CCT3: variants seen among roughly 807,000 people sequenced by gnomAD.
CCT3 encodes chaperonin containing TCP1 subunit 3.
In CCT3, 10 loss-of-function variants were observed where a neutral mutation model predicts 65.3. That is an observed-to-expected ratio of 0.15 (90% confidence interval 0.09 to 0.26). CCT3 has a LOEUF of 0.26. CCT3 is among the 10% of genes least tolerant of loss of function. CCT3 has a pLI of 1.00. For missense variants in CCT3, 626 were observed against 708.7 expected (o/e 0.88, Z 1.33); for synonymous variants, 225 against 242.3 (o/e 0.93, Z 0.66).
chr1:156,325,218 A>G, intron 5 of CCT3, 129 bp from the exon 6 acceptor site: 1 of 687,334 alleles, frequency 1.5e-6, no homozygotes, highest in South Asian at 1.7e-5. Flanking sequence ...TTGGCCATTC[A>G]TACTATTCCA....
chr1:156,337,792 G>A (rs1005313422), intron 1 of CCT3: 33 of 280,660 alleles, frequency 1.2e-4, no homozygotes, highest in Non-Finnish European at 1.7e-4. Flanking sequence ...AGACCTAACT[G>A]AAAAAAAAAC....
chr1:156,312,066 C>G lies in CCT3; in HGVS notation c.1130G>C (p.Arg377Pro), dbSNP rs201959823. The G allele has an allele frequency of 6.2e-7, 1 of 1,611,420 alleles. No homozygotes were observed. The highest frequency in any genetic ancestry group is 8.5e-7 in the Non-Finnish European group (1 of 1,178,780). Residue 377 changes from arginine to proline, a missense_variant, in exon 11 of 14, where the codon CGG (arginine) becomes CCG (proline). Arg to Pro is a moderately radical substitution (Grantham distance 103). Transcript: ENST00000295688. ...CGAGAGAATCTCTTTGCTAGCCCCC[C>G]GGAGGAGAATGGTGCAGGCCTTGGG... ...KDPKACTILL[R>P]GASKEILSEV...
chr1:156,335,047 T>A, intron 2 of CCT3, 129 bp from the exon 3 acceptor site: 1 of 713,294 alleles, frequency 1.4e-6, no homozygotes, highest in Middle Eastern at 4.0e-4. Context: ...AATTTTATTT[T>A]ATTTTTAGAT....
At chr1:156,329,825 G>C (rs981386431) in intron 5 of CCT3, among the ~76,000 whole-genome samples, 5 of 151,830 alleles carry the variant, frequency 3.3e-5, no homozygotes, top group African/African-American at 1.2e-4. Flanking sequence ...TGTAACCCCA[G>C]CTACTTGGGA....
Position 156,309,061 on chromosome 1 carries a change from TG to T in CCT3, c.*137del. The T allele has an allele frequency of 1.5e-6, 1 of 646,746 alleles. No homozygotes were observed. Among genetic ancestry groups the T allele is most frequent in the Non-Finnish European group, 2.8e-6 (1 of 360,714 alleles). The allele number at this position is 646,746 out of a possible 1,614,324, so 40.1% of individuals were successfully genotyped here. The stretch of plus-strand genomic sequence containing the variant: ...GTCAGTGTCTTTTGGAAAACTGAGC[TG>T]GGACAGAAAGGGACTGGGGGCTGCC... On this transcript the variant is annotated 3_prime_UTR_variant, in exon 14 of 14. Coordinates refer to ENST00000295688, the MANE Select transcript of CCT3 (RefSeq NM_005998.5).
At chr1:156,322,446 A>G (rs931788508) in intron 6 of CCT3, among the ~76,000 whole-genome samples, 5 of 151,990 alleles carry the variant, frequency 3.3e-5, no homozygotes, top group African/African-American at 1.2e-4. Flanking sequence ...GTGAGCCGAG[A>G]TCATGCCACT....
At chr1:156,322,833 T>C (rs1570924438) in intron 6 of CCT3, among the ~76,000 whole-genome samples, 1 of 152,132 alleles carries the variant, frequency 6.6e-6, no homozygotes, top group Non-Finnish European at 1.5e-5. Flanking sequence ...CATTCCAGCC[T>C]GAGCAACAAG....
intron 6 of CCT3, among the ~76,000 whole-genome samples, chr1:156,323,714 C>T (rs989799856): frequency 4.6e-5 from 7 of 152,054 alleles, no homozygotes; most frequent in Non-Finnish European, 1.0e-4. Context: ...ATCCGCCCGC[C>T]TCCGCCTCCC....
At chr1:156,321,103 G>A in intron 6 of CCT3, 78 bp from the exon 7 acceptor site, 1 of 1,161,946 alleles carries the variant, frequency 8.6e-7, no homozygotes, top group Admixed American at 2.0e-5. Flanking sequence ...ATACCTCAGT[G>A]ACTATAATAA....
At chr1:156,333,313 T>TAAA in intron 5 of CCT3, 1 of 383,878 alleles carries the variant, frequency 2.6e-6, no homozygotes, top group Non-Finnish European at 4.8e-6. Flanking sequence ...AAAAAAAGAA[T>TAAA]ATTATAACTT....
chr1:156,315,619 G>T (rs1345632024), intron 10 of CCT3, among the ~76,000 whole-genome samples: 1 of 152,112 alleles, frequency 6.6e-6, no homozygotes, highest in South Asian at 2.1e-4. Context: ...TATTGGTAAG[G>T]GTTCGGGTCA....
At chr1:156,328,270 C>T (rs530735358) in intron 5 of CCT3, among the ~76,000 whole-genome samples, 93 of 148,012 alleles carry the variant, frequency 6.3e-4, no homozygotes, top group Non-Finnish European at 1.1e-3. Flanking sequence ...CCGCCCCATC[C>T]GGGAGGTGAG....
Position 156,311,201 on chromosome 1 carries a change from A to C in CCT3, c.1156-6T>G, listed in dbSNP as rs1398151533. ...TGGAGGTTGCGTTCTACTTCCTTGGAGAAGCAAACAGACAGTATGAAGCCA... is the reference window on the plus strand; with the variant it reads ...TGGAGGTTGCGTTCTACTTCCTTGGCGAAGCAAACAGACAGTATGAAGCCA... On this transcript the variant is annotated splice_polypyrimidine_tract_variant and splice_region_variant and intron_variant, in intron 11 of 13. Coordinates refer to ENST00000295688, the MANE Select transcript of CCT3 (RefSeq NM_005998.5). The C allele has an allele frequency of 1.1e-5, 18 of 1,613,060 alleles. No individual in the cohort carries two copies. Among genetic ancestry groups the C allele is most frequent in the Non-Finnish European group, 1.5e-5 (18 of 1,179,472 alleles).
intron 4 of CCT3, among the ~76,000 whole-genome samples, chr1:156,333,995 T>TG (rs1369260846): frequency 6.6e-6 from 1 of 152,166 alleles, no homozygotes; most frequent in Non-Finnish European, 1.5e-5. Context: ...CTCAGCACTT[T>TG]GGGAGGCGGA....
At chr1:156,334,291 A>G (rs1665237324) in intron 4 of CCT3, among the ~76,000 whole-genome samples, 1 of 152,088 alleles carries the variant, frequency 6.6e-6, no homozygotes, top group Non-Finnish European at 1.5e-5. Context: ...AGAACCTGTG[A>G]ATTTTACTTT....
At chr1:156,331,175 G>A (rs1239141537) in intron 5 of CCT3, among the ~76,000 whole-genome samples, 1 of 151,786 alleles carries the variant, frequency 6.6e-6, no homozygotes, top group Non-Finnish European at 1.5e-5. Flanking sequence ...AGGCTGCAGT[G>A]AGCTGAGATT....
chr1:156,333,764 C>T, intron 4 of CCT3, 121 bp from the exon 5 acceptor site: 1 of 677,092 alleles, frequency 1.5e-6, no homozygotes, highest in Non-Finnish European at 2.5e-6. Context: ...AATGTTTTAC[C>T]ATATCTTGAA....
intron 5 of CCT3, among the ~76,000 whole-genome samples, chr1:156,327,338 C>T (rs1046088550): frequency 6.6e-6 from 1 of 151,942 alleles, no homozygotes; most frequent in Admixed American, 6.6e-5. Flanking sequence ...CCTCTGATGC[C>T]GAGCTGAAGC....
At position 156,337,977 on chromosome 1, in the gene CCT3, G is replaced by A. The variant is rs532197891; in HGVS notation, c.31+177C>T. ...AATAAGGCCAGTTTGAGTTTGTGCA[G>A]AGAAGCGAACAGGTTAAGAGAAGAG... On this transcript the variant is annotated intron_variant, in intron 1 of 13. Transcript: ENST00000295688. Among the ~76,000 whole-genome samples the A allele has an allele frequency of 4.6e-3, 698 of 152,296 alleles. 5 individuals are homozygous for A. The highest frequency in any genetic ancestry group is 7.7e-3 in the Non-Finnish European group (526 of 68,018).
Sources: allele counts gnomAD v4.1 joint callset (sites outside exome capture counted in the v4.1 genomes callset), GRCh38; gene constraint gnomAD v4.1.1; transcripts MANE v1.5; gene names NCBI Gene and HGNC (gene_info 2026-07-23, HGNC 2026-07-21).